ARHGAP6: variants seen among roughly 807,000 people sequenced by gnomAD.
ARHGAP6 encodes Rho GTPase activating protein 6.
ARHGAP6 carries 16 observed loss-of-function variants against 55.7 expected under a neutral mutation model. That is an observed-to-expected ratio of 0.29 (90% CI 0.19 to 0.44). The LOEUF (loss-of-function observed/expected upper bound fraction) is 0.44, where lower values mean the gene tolerates loss of function less well. Ranked by LOEUF, ARHGAP6 falls within the 20% of genes least tolerant of loss-of-function variation. ARHGAP6 has a pLI of 1.00. For missense variants in ARHGAP6, 698 were observed against 808.9 expected, an observed-to-expected ratio of 0.86 and a Z score of 1.66; for synonymous variants, 382 against 360.9, an observed-to-expected ratio of 1.06 and a Z score of -0.66.
chrX:11,194,829 A>G (rs1323372736), intron 3 of ARHGAP6, among the ~76,000 whole-genome samples: 1 of 111,730 alleles, frequency 9.0e-6, no homozygotes, highest in African/African-American at 3.3e-5. Flanking sequence ...AGAGACTGAG[A>G]TCAATGGTAT....
At chrX:11,363,778 A>G (rs970175083) in intron 1 of ARHGAP6, among the ~76,000 whole-genome samples, 2 of 112,451 alleles carry the variant, frequency 1.8e-5, no homozygotes, top group Non-Finnish European at 3.8e-5. Context: ...CAGCCACTGT[A>G]AAAAGCAGAT....
chrX:11,437,605 C>T (rs188721173), intron 1 of ARHGAP6, among the ~76,000 whole-genome samples: 27 of 112,217 alleles, frequency 2.4e-4, no homozygotes, highest in African/African-American at 8.4e-4. Flanking sequence ...AGCAAAGTCC[C>T]AGTCTCAGTC....
At chrX:11,350,959 G>T (rs1297057024) in intron 1 of ARHGAP6, among the ~76,000 whole-genome samples, 1 of 110,099 alleles carries the variant, frequency 9.1e-6, no homozygotes, top group Non-Finnish European at 1.9e-5. Context: ...TAGTGAAAAA[G>T]ACTTCCCTTT....
chrX:11,280,435 C>T (rs1052035172), intron 1 of ARHGAP6, among the ~76,000 whole-genome samples: 5 of 111,745 alleles, frequency 4.5e-5, no homozygotes, highest in African/African-American at 1.3e-4. Flanking sequence ...CTCACTAGAG[C>T]GTGACTGAAA....
At chrX:11,289,938 C>T (rs7881477) in intron 1 of ARHGAP6, among the ~76,000 whole-genome samples, 24,972 of 111,293 alleles carry the variant, frequency 0.22, 2,131 homozygotes, top group Middle Eastern at 0.33. Context: ...CGAGCCGAGA[C>T]TGTACCACTT....
chrX:11,181,695 T>C (rs764545141), intron 6 of ARHGAP6, among the ~76,000 whole-genome samples: 1 of 112,878 alleles, frequency 8.9e-6, no homozygotes, highest in Admixed American at 9.4e-5. Context: ...GGAATGTTAA[T>C]GGCATTTTTC....
intron 1 of ARHGAP6, among the ~76,000 whole-genome samples, chrX:11,577,201 C>T (rs2051609700): frequency 8.9e-6 from 1 of 112,332 alleles, no homozygotes; most frequent in African/African-American, 3.2e-5. Flanking sequence ...AGCATGTGAA[C>T]ATCTCTCAGG....
chrX:11,620,669 G>T (rs557028269), intron 1 of ARHGAP6, among the ~76,000 whole-genome samples: 11 of 112,347 alleles, frequency 9.8e-5, no homozygotes, highest in South Asian at 3.7e-4. Context: ...TGACTCCAGG[G>T]TTTACAGGTT....
At chrX:11,201,989 C>CTCTGTGTG (rs2046630292) in intron 2 of ARHGAP6, among the ~76,000 whole-genome samples, 1 of 65,537 alleles carries the variant, frequency 1.5e-5, no homozygotes, top group African/African-American at 6.1e-5. Context: ...GCATCTGGAT[C>CTCTGTGTG]TGTGTGTGTG....
chrX:11,258,229 C>T (rs1297261138), intron 1 of ARHGAP6, among the ~76,000 whole-genome samples: 1 of 110,622 alleles, frequency 9.0e-6, no homozygotes, highest in Non-Finnish European at 1.9e-5. Context: ...GAAAAGACTC[C>T]GTGCTAAGTG....
At chrX:11,590,364 G>C (rs1458716898) in intron 1 of ARHGAP6, among the ~76,000 whole-genome samples, 1 of 111,155 alleles carries the variant, frequency 9.0e-6, no homozygotes, top group Non-Finnish European at 1.9e-5. Context: ...GTCAAATCAT[G>C]CCTTGAAATT....
intron 1 of ARHGAP6, among the ~76,000 whole-genome samples, chrX:11,446,653 A>C (rs1289671301): frequency 8.9e-6 from 1 of 112,139 alleles, no homozygotes; most frequent in Non-Finnish European, 1.9e-5. Context: ...AAATTAAAAA[A>C]ACCTCTGGGC....
chrX:11,198,743 T>TTATGTATTC (rs1265126171), intron 2 of ARHGAP6, among the ~76,000 whole-genome samples: 1 of 112,350 alleles, frequency 8.9e-6, no homozygotes. Context: ...TACTTAAAAC[T>TTATGTATTC]TATGTATTCT....
intron 1 of ARHGAP6, among the ~76,000 whole-genome samples, chrX:11,559,877 G>A (rs187581354): frequency 6.5e-5 from 7 of 107,760 alleles, no homozygotes; most frequent in South Asian, 4.2e-4. Context: ...GCAGTGAGCC[G>A]AGATCGCGCC....
At chrX:11,245,132 G>C (rs1341356837) in intron 2 of ARHGAP6, among the ~76,000 whole-genome samples, 2 of 111,913 alleles carry the variant, frequency 1.8e-5, no homozygotes, top group Non-Finnish European at 3.8e-5. Flanking sequence ...TCTATCTAAA[G>C]GGTCACCAAA....
At chrX:11,242,645 G>A (rs143385091) in intron 2 of ARHGAP6, among the ~76,000 whole-genome samples, 92 of 111,568 alleles carry the variant, frequency 8.2e-4, no homozygotes, top group South Asian at 3.5e-3. Flanking sequence ...TCCAAATATC[G>A]GGGCAGGGAA....
At chrX:11,187,483 C>T (rs1193127491) in intron 4 of ARHGAP6, among the ~76,000 whole-genome samples, 1 of 112,151 alleles carries the variant, frequency 8.9e-6, no homozygotes, top group African/African-American at 3.2e-5. Context: ...CGACAATACA[C>T]AGTCTGAGAC....
intron 2 of ARHGAP6, among the ~76,000 whole-genome samples, chrX:11,220,752 A>C (rs1445593030): frequency 1.8e-5 from 2 of 109,817 alleles, no homozygotes; most frequent in Admixed American, 9.8e-5. Flanking sequence ...AGCTAACATC[A>C]TAATGACAGG....
intron 1 of ARHGAP6, among the ~76,000 whole-genome samples, chrX:11,495,810 G>A (rs887412032): frequency 3.6e-5 from 4 of 112,591 alleles, no homozygotes; most frequent in African/African-American, 6.4e-5. Flanking sequence ...GTGATGGGAC[G>A]TCATTGCCAG....
Sources: allele counts gnomAD v4.1 joint callset (sites outside exome capture counted in the v4.1 genomes callset), GRCh38; gene constraint gnomAD v4.1.1; transcripts MANE v1.5; gene names NCBI Gene and HGNC (gene_info 2026-07-23, HGNC 2026-07-21).